The following LHCGR variants were observed in gnomAD, a reference collection of about 807,000 sequenced individuals.
The protein encoded by LHCGR is lutropin-choriogonadotropic hormone receptor.
A neutral mutation model predicts 60.7 loss-of-function variants in LHCGR; 55 were observed. The observed-to-expected ratio is 0.91, with a 90% CI of 0.73 to 1.13. The LOEUF (loss-of-function observed/expected upper bound fraction) is 1.13. LHCGR is among the 50% of genes most tolerant of loss of function. The pLI is 0.00. For missense variants in LHCGR, 862 were observed against 836.0 expected, an observed-to-expected ratio of 1.03 and a Z score of -0.38; for synonymous variants, 337 against 316.5, an observed-to-expected ratio of 1.06 and a Z score of -0.69.
intron 8 of LHCGR, among the ~76,000 whole-genome samples, chr2:48,699,018 G>T (rs916747214): frequency 6.6e-6 from 1 of 151,968 alleles, no homozygotes; most frequent in African/African-American, 2.4e-5. Context: ...AGAGACCGGG[G>T]TTTCACCGTG....
At chr2:48,752,627 A>G (rs754514902) in intron 1 of LHCGR, among the ~76,000 whole-genome samples, 24 of 152,064 alleles carry the variant, frequency 1.6e-4, no homozygotes, top group Admixed American at 7.9e-4. Context: ...TCAAGAAAAG[A>G]GGATTTCAGT....
intron 10 of LHCGR, among the ~76,000 whole-genome samples, chr2:48,692,433 A>G (rs752940077): frequency 6.6e-6 from 1 of 151,928 alleles, no homozygotes; most frequent in Non-Finnish European, 1.5e-5. Context: ...ATGTCTAGCA[A>G]TTTTTCTCCC....
intron 6 of LHCGR, among the ~76,000 whole-genome samples, chr2:48,718,275 G>A (rs112061962): frequency 9.7e-4 from 148 of 152,222 alleles, no homozygotes; most frequent in Non-Finnish European, 1.6e-3. Flanking sequence ...GTCAGTAATT[G>A]TGAATCACAC....
chr2:48,724,345 A>G (rs1007313149), intron 4 of LHCGR, among the ~76,000 whole-genome samples: 1 of 152,196 alleles, frequency 6.6e-6, no homozygotes, highest in Non-Finnish European at 1.5e-5. Flanking sequence ...ATTTTATTAC[A>G]AGAATGGGGC....
intron 7 of LHCGR, among the ~76,000 whole-genome samples, chr2:48,709,270 A>G (rs1481378917): frequency 1.3e-5 from 2 of 152,052 alleles, no homozygotes; most frequent in Admixed American, 6.5e-5. Flanking sequence ...ACTCTGTCCT[A>G]CAGCTTAAAG....
chr2:48,690,662 C>T (rs1416497120), intron 10 of LHCGR, among the ~76,000 whole-genome samples: 1 of 152,184 alleles, frequency 6.6e-6, no homozygotes, highest in Admixed American at 6.6e-5. Context: ...TTCCTCATCT[C>T]TCTGGTGAAT....
rs758409364 is a variant in LHCGR, at chr2:48,729,251, A to C, written c.234-24T>G. 5 of 1,538,564 alleles carry C rather than the reference A, an allele frequency of 3.2e-6. No individual in the cohort carries two copies. In the South Asian group the frequency reaches 5.6e-5, roughly 17 times the overall value. Reference sequence around the variant, plus strand: ...CACTAGGGAAGAGAGGAGGGGGAAAAAGAGAAAGAAACATGAAAGAAATGA... The same window carrying C: ...CACTAGGGAAGAGAGGAGGGGGAAACAGAGAAAGAAACATGAAAGAAATGA... On this transcript the variant is annotated intron_variant, in intron 2 of 10. Coordinates refer to ENST00000294954, the MANE Select transcript of LHCGR (RefSeq NM_000233.4).
Position 48,688,972 on chromosome 2 carries a change from C to T in LHCGR, c.948-123G>A. On this transcript the variant is annotated intron_variant, in intron 10 of 10. Coordinates refer to ENST00000294954, the MANE Select transcript of LHCGR (RefSeq NM_000233.4). The surrounding 1 kb of genome is among the most constrained non-coding windows in gnomAD (Gnocchi z 5.2). Reference sequence around the variant, plus strand: ...CAAAGCCATAATAGCCTCAGCCTTACATTTATTTGTTAAATTATTTGAGAA... The same window carrying T: ...CAAAGCCATAATAGCCTCAGCCTTATATTTATTTGTTAAATTATTTGAGAA... 1 of 845,876 alleles carries T rather than the reference C, an allele frequency of 1.2e-6. No homozygotes were observed. Among genetic ancestry groups the T allele is most frequent in the Middle Eastern group, 3.5e-4 (1 of 2,848 alleles). 52.4% of individuals were successfully genotyped at this position (845,876 alleles called of 1,614,324 possible). A position where few individuals can be genotyped will look rare whatever the true frequency, so the allele number is the denominator to read the frequency against.
intron 6 of LHCGR, among the ~76,000 whole-genome samples, chr2:48,716,509 AATC>A (rs564468745): frequency 1.2e-3 from 184 of 152,266 alleles, no homozygotes; most frequent in African/African-American, 4.1e-3. Context: ...AGGCAAAGCC[AATC>A]ATCAGTTTCA....
Position 48,687,928 on chromosome 2 carries a change from A to G in LHCGR, c.1869T>C (p.Tyr623=), listed in dbSNP as rs144859947. The G allele has an allele frequency of 1.4e-4, 228 of 1,614,152 alleles. No homozygotes were observed. In the African/African-American group the frequency reaches 2.2e-3, roughly 15 times the overall value. The change falls in exon 11 of 11, where the codon TAT becomes TAC. Residue 623 remains tyrosine (Y), a synonymous_variant. Coordinates refer to ENST00000294954, the MANE Select transcript of LHCGR (RefSeq NM_000233.4). ...PINSCANPFL[Y]AIFTKTFQRD... ...TTTGGAATGTCTTAGTGAATATTGC[A>G]TACAGAAATGGATTGGCACAAGAAT...
rs72876970 is a variant in LHCGR at position 48,754,415 on chromosome 2, C to T, written c.161+1096G>A. On this transcript the variant is annotated intron_variant, in intron 1 of 10. Coordinates refer to ENST00000294954, the MANE Select transcript of LHCGR (RefSeq NM_000233.4). ...GTTAGGACATGATCAAGACCTCTAC[C>T]AGCCTTTTAGATACTCTTGTCTTTT... is the stretch of plus-strand genomic sequence containing the variant. Among the ~76,000 whole-genome samples the T allele has an allele frequency of 4.4e-3, 677 of 152,200 alleles. 3 individuals are homozygous for T. The highest frequency in any genetic ancestry group is 0.014 in the African/African-American group (594 of 41,532).
intron 1 of LHCGR, among the ~76,000 whole-genome samples, chr2:48,738,370 A>G (rs1050000384): frequency 2.0e-5 from 3 of 151,942 alleles, no homozygotes; most frequent in Non-Finnish European, 4.4e-5. Context: ...CTCCTTACAC[A>G]CTGCTACTCT....
chr2:48,752,527 T>C (rs545510816), intron 1 of LHCGR, among the ~76,000 whole-genome samples: 1,084 of 71,148 alleles, frequency 0.015, 8 homozygotes, highest in Non-Finnish European at 0.02. Flanking sequence ...AATTTAAGCT[T>C]TCTTTTTTTT....
chr2:48,731,265 T>G lies in LHCGR; in HGVS notation c.195A>C (p.Pro65=). Residue 65 remains proline (P), a synonymous_variant, in exon 2 of 11, where the codon CCA becomes CCC. Transcript: ENST00000294954. ...SLAYLPVKVI[P]SQAFRGLNEV... is the part of the protein sequence containing the mutation. Reference sequence around the variant, plus strand: ...CATTAAGTCCTCTGAAAGCTTGAGATGGGATCACTTTGACAGGGAGGTAGG... The same window carrying G: ...CATTAAGTCCTCTGAAAGCTTGAGAGGGGATCACTTTGACAGGGAGGTAGG... 1 of 1,612,242 alleles carries G rather than the reference T, an allele frequency of 6.2e-7. No homozygotes were observed. The highest frequency in any genetic ancestry group is 1.1e-5 in the South Asian group (1 of 91,060).
chr2:48,688,121 A>G lies in LHCGR; in HGVS notation c.1676T>C (p.Met559Thr). 2.5e-6 allele frequency: 4 copies of G among 1,614,228 alleles called. No homozygotes were observed. Among genetic ancestry groups the G allele is most frequent in the Non-Finnish European group, 3.4e-6 (4 of 1,180,040 alleles). ...IYFAVRNPEL[M>T]ATNKDTKIAK... ...AATCTTTGTATCTTTATTGGTAGCCATTAATTCTGGGTTTCGAACTGCAAA... is the reference window on the plus strand; with the variant it reads ...AATCTTTGTATCTTTATTGGTAGCCGTTAATTCTGGGTTTCGAACTGCAAA... Residue 559 changes from methionine (M) to threonine (T), a missense_variant, in exon 11 of 11, where the codon ATG becomes ACG. Coordinates refer to ENST00000294954, the MANE Select transcript of LHCGR (RefSeq NM_000233.4). The surrounding 1 kb of genome is among the most constrained non-coding windows in gnomAD (Gnocchi z 5.2).
chr2:48,754,876 G>T (rs1398790940), intron 1 of LHCGR, among the ~76,000 whole-genome samples: 1 of 152,114 alleles, frequency 6.6e-6, no homozygotes, highest in Admixed American at 6.5e-5. Flanking sequence ...CCCTCAATCA[G>T]GCCTGTGAGT....
rs2104459258 is a variant in LHCGR at position 48,727,335 on chromosome 2, C to T, written c.309-1585G>A. Among the ~76,000 whole-genome samples the T allele has an allele frequency of 1.3e-5, 2 of 152,142 alleles. 1 individual carries two copies. Among genetic ancestry groups the T allele is most frequent in the South Asian group, 4.1e-4 (2 of 4,822 alleles). ...TTAGCCCAGTCATTCATTCATTTAACAAACATTTATTGGGCACCTACATGT... is the reference window on the plus strand; with the variant it reads ...TTAGCCCAGTCATTCATTCATTTAATAAACATTTATTGGGCACCTACATGT... On this transcript the variant is annotated intron_variant, in intron 3 of 10. Coordinates refer to ENST00000294954, the MANE Select transcript of LHCGR (RefSeq NM_000233.4).
intron 1 of LHCGR, among the ~76,000 whole-genome samples, chr2:48,751,329 T>TC (rs1291136360): frequency 1.3e-5 from 2 of 152,098 alleles, no homozygotes; most frequent in Admixed American, 6.5e-5. Flanking sequence ...AAGAAATATT[T>TC]CCCCCCCAGC....
chr2:48,747,046 A>C (rs1247269435), intron 1 of LHCGR, among the ~76,000 whole-genome samples: 1 of 152,060 alleles, frequency 6.6e-6, no homozygotes, highest in Non-Finnish European at 1.5e-5. Context: ...AGTTGGTTGC[A>C]ACTGATATAC....
Sources: gnomAD v4.1 joint callset for allele counts (sites outside exome capture counted in the v4.1 genomes callset) on GRCh38, gnomAD v4.1.1 for gene constraint, Gnocchi (gnomAD v3.1) non-coding constraint, MANE v1.5 for transcripts, NCBI Gene and HGNC (gene_info 2026-07-23, HGNC 2026-07-21) for gene names.